The following NUP205 variants were observed in gnomAD, a reference collection of about 807,000 sequenced individuals.
NUP205 encodes the protein nuclear pore complex protein Nup205.
A neutral mutation model predicts 253.8 loss-of-function variants in NUP205; 76 were observed. The ratio of observed to expected loss-of-function variants is 0.30; its 90% CI spans 0.25 to 0.36. NUP205 has a LOEUF of 0.36. NUP205 is among the 10% of genes least tolerant of loss of function. The pLI, the probability that NUP205 is intolerant of heterozygous loss-of-function variation, is 1.00. For synonymous variants in NUP205, 832 were observed against 850.1 expected (o/e 0.98, Z 0.37); for missense variants, 2,162 against 2,425.5 (o/e 0.89, Z 2.28).
chr7:135,646,286 G>A, intron 42 of NUP205, 55 bp downstream of exon 42: 2 of 1,232,634 alleles, frequency 1.6e-6, no homozygotes, highest in Non-Finnish European at 2.4e-6. Flanking sequence ...AAAAGGGCTG[G>A]GTGTGATGGT....
intron 38 of NUP205, 134 bp downstream of exon 38, chr7:135,638,817 T>G (rs1794865902): frequency 1.1e-6 from 1 of 926,868 alleles, no homozygotes; most frequent in African/African-American, 1.7e-5. Context: ...AAATAAGTTT[T>G]AAAGTTGAGC....
At chr7:135,568,020 G>A (rs773321161) in intron 1 of NUP205, among the ~76,000 whole-genome samples, 53 of 152,270 alleles carry the variant, frequency 3.5e-4, no homozygotes, top group Admixed American at 1.4e-3. Context: ...GAGGCCAGGA[G>A]TTCAAGACCA....
chr7:135,637,905 T>G (rs1794840963), intron 36 of NUP205, 26 bp from the exon 37 acceptor site: 1 of 1,591,624 alleles, frequency 6.3e-7, no homozygotes. Flanking sequence ...TTAAATACAT[T>G]TAACAAGATA....
At chr7:135,645,617 T>C in intron 41 of NUP205, 21 bp downstream of exon 41, 1 of 1,606,702 alleles carries the variant, frequency 6.2e-7, no homozygotes, top group Non-Finnish European at 8.5e-7. Context: ...TGCTAAAAAT[T>C]AATGAACCAT....
At chr7:135,581,757 G>A (rs1206580448) in intron 7 of NUP205, among the ~76,000 whole-genome samples, 1 of 151,226 alleles carries the variant, frequency 6.6e-6, no homozygotes, top group Non-Finnish European at 1.5e-5. Flanking sequence ...GGAGACTGAG[G>A]CAGGAGAATT....
intron 18 of NUP205, 48 bp downstream of exon 18, chr7:135,603,042 C>T (rs1459317678): frequency 2.2e-6 from 3 of 1,376,532 alleles, no homozygotes; most frequent in South Asian, 1.4e-5. Context: ...GATAGACATT[C>T]TAGCTTTGAT....
At chr7:135,594,242 A>T (rs530162583) in intron 12 of NUP205, among the ~76,000 whole-genome samples, 3 of 152,080 alleles carry the variant, frequency 2.0e-5, no homozygotes, top group African/African-American at 7.2e-5. Context: ...AGGATTTAAG[A>T]TGCCTAGGTA....
rs529728838 is a variant in NUP205 at position 135,635,456 on chromosome 7, C to G, written c.5060-125C>G. On this transcript the variant is annotated intron_variant, in intron 35 of 42. Coordinates refer to ENST00000285968, the MANE Select transcript of NUP205 (RefSeq NM_015135.3). ...CTTTGTAAAATCATAGTTCTCAAAA[C>G]TTTTTTATGGCAAGAATATCTGTTC... 130 of 520,818 alleles carry G rather than the reference C, an allele frequency of 2.5e-4. 2 individuals carry two copies. The South Asian group carries it at 3.7e-3, about 15-fold the overall frequency. 32.3% of individuals were successfully genotyped at this position (520,818 alleles called of 1,614,324 possible). A position where few individuals can be genotyped will look rare whatever the true frequency, so the allele number is the denominator to read the frequency against.
At chr7:135,640,634 A>G (rs1487993847) in intron 38 of NUP205, among the ~76,000 whole-genome samples, 1 of 151,986 alleles carries the variant, frequency 6.6e-6, no homozygotes, top group Admixed American at 6.6e-5. Flanking sequence ...TGGATGGGGG[A>G]GAAGAGTACT....
chr7:135,598,568 C>T (rs1793897412), intron 15 of NUP205, among the ~76,000 whole-genome samples: 1 of 152,168 alleles, frequency 6.6e-6, no homozygotes, highest in Non-Finnish European at 1.5e-5. Context: ...TAAACTTGCA[C>T]AGCAGTTTCT....
chr7:135,588,654 G>C lies in NUP205; in HGVS notation c.1473+662G>C, dbSNP rs768614389. On this transcript the variant is annotated intron_variant, in intron 10 of 42. Coordinates refer to ENST00000285968, the MANE Select transcript of NUP205 (RefSeq NM_015135.3). ...GGTCTGTAATTCCTGGCTTCATTCA[G>C]CCTTCCCAAAGCAGTGGGATTACAG... Among the ~76,000 whole-genome samples the C allele has an allele frequency of 6.0e-5, 9 of 150,962 alleles. 1 individual carries two copies. Among genetic ancestry groups the C allele is most frequent in the Non-Finnish European group, 1.0e-4 (7 of 67,722 alleles).
intron 1 of NUP205, among the ~76,000 whole-genome samples, chr7:135,564,245 ATTTTT>A (rs35094813): frequency 8.1e-6 from 1 of 124,024 alleles, no homozygotes. Context: ...ATGCCCAGCT[ATTTTT>A]TTTTTTTTTT....
chr7:135,558,476 G>T (rs1805494555), intron 1 of NUP205, among the ~76,000 whole-genome samples: 1 of 152,200 alleles, frequency 6.6e-6, no homozygotes, highest in Non-Finnish European at 1.5e-5. Context: ...GGGTGGCGGG[G>T]CTTCAGCAGA....
At position 135,615,990 on chromosome 7, in the gene NUP205, C is replaced by G; in HGVS notation, c.3385C>G (p.Leu1129Val). 6.2e-7 allele frequency: 1 copy of G among 1,613,730 alleles called. No homozygotes were observed. Among genetic ancestry groups the G allele is most frequent in the Non-Finnish European group, 8.5e-7 (1 of 1,179,658 alleles). ...TASIELRVTS[L>V]NRQRSHTQRL... is the part of the protein sequence containing the mutation. The stretch of plus-strand genomic sequence containing the variant: ...CTCAATAGAGCTAAGGGTAACCTCT[C>G]TGAATCGTCAGCGGTCACATACCCA... The change falls in exon 24 of 43, where the codon CTG becomes GTG. Residue 1129 changes from leucine (L) to valine (V), a missense_variant. Leu to Val is a conservative substitution (Grantham distance 32, BLOSUM62 1). Coordinates refer to ENST00000285968, the MANE Select transcript of NUP205 (RefSeq NM_015135.3).
intron 35 of NUP205, among the ~76,000 whole-genome samples, chr7:135,632,231 G>A (rs551516420): frequency 3.9e-5 from 6 of 152,156 alleles, no homozygotes; most frequent in Admixed American, 3.3e-4. Context: ...CATTTATTAA[G>A]CATGTATGTG....
intron 32 of NUP205, among the ~76,000 whole-genome samples, chr7:135,626,003 C>T: frequency 6.6e-6 from 1 of 152,338 alleles, no homozygotes; most frequent in East Asian, 1.9e-4. Context: ...AGGACCCACA[C>T]TGTAAACGAA....
intron 7 of NUP205, among the ~76,000 whole-genome samples, chr7:135,584,365 T>C (rs2129490040): frequency 6.6e-6 from 1 of 152,332 alleles, no homozygotes; most frequent in Admixed American, 6.5e-5. Flanking sequence ...ATATTCAAGT[T>C]AAAATTTAGT....
intron 30 of NUP205, 147 bp from the exon 31 acceptor site, chr7:135,622,630 G>A: frequency 1.5e-6 from 1 of 663,044 alleles, no homozygotes; most frequent in Non-Finnish European, 2.5e-6. Flanking sequence ...CGGTCAGTGG[G>A]CCTTTGTGTA....
At chr7:135,624,260 G>A (rs2129491666) in intron 31 of NUP205, among the ~76,000 whole-genome samples, 1 of 151,966 alleles carries the variant, frequency 6.6e-6, no homozygotes, top group East Asian at 1.9e-4. Context: ...AGAGTGCAGT[G>A]GCATGATCTC....
Sources: allele counts gnomAD v4.1 joint callset (sites outside exome capture counted in the v4.1 genomes callset), GRCh38; gene constraint gnomAD v4.1.1; transcripts MANE v1.5; gene names NCBI Gene and HGNC (gene_info 2026-07-23, HGNC 2026-07-21).